PKM: variants seen among roughly 807,000 people sequenced by gnomAD.
PKM encodes pyruvate kinase M1/2.
In PKM, 18 loss-of-function variants were observed where a neutral mutation model predicts 49.8. The observed-to-expected ratio is 0.36, with a 90% CI of 0.25 to 0.54. The LOEUF (loss-of-function observed/expected upper bound fraction) is 0.54, where lower values mean the gene tolerates loss of function less well. Among genes scored for constraint, PKM ranks in the 20% least tolerant of loss-of-function variants. The pLI is 0.89. For missense variants in PKM, 508 were observed against 713.8 expected (o/e 0.71, Z 3.28); for synonymous variants, 239 against 261.8 (o/e 0.91, Z 0.84).
chr15:72,210,849 A>T (rs1286591574), intron 3 of PKM, among the ~76,000 whole-genome samples: 1 of 152,184 alleles, frequency 6.6e-6, no homozygotes, highest in Non-Finnish European at 1.5e-5. Context: ...CCCTCAGCAT[A>T]TAAAGCTCAT....
intron 8 of PKM, among the ~76,000 whole-genome samples, chr15:72,205,389 G>C (rs1188726576): frequency 6.6e-6 from 1 of 152,146 alleles, no homozygotes; most frequent in African/African-American, 2.4e-5. Context: ...AAAGTACTGA[G>C]ATTACAGGTG....
At chr15:72,214,696 G>A (rs571208192) in intron 3 of PKM, among the ~76,000 whole-genome samples, 1 of 152,310 alleles carries the variant, frequency 6.6e-6, no homozygotes, top group Non-Finnish European at 1.5e-5. Context: ...TTAGGAGGCT[G>A]AGGCAGAAGA....
intron 3 of PKM, among the ~76,000 whole-genome samples, chr15:72,215,879 C>T (rs970613847): frequency 1.3e-5 from 2 of 152,158 alleles, no homozygotes; most frequent in African/African-American, 4.8e-5. Flanking sequence ...ACAAGTAATT[C>T]TCGGTGACTC....
Position 72,218,994 on chromosome 15 carries a change from A to G in PKM, c.104T>C (p.Ile35Thr). The stretch of plus-strand genomic sequence containing the variant: ...CCGGGCTGTGATGGGTGGTGAATCA[A>G]TGTCCAGGCGGCACATGTGCTCCAG... ...TFLEHMCRLDIDSPPITARNT... is the reference protein window; with the variant it reads ...TFLEHMCRLDTDSPPITARNT... The change falls in exon 2 of 11, where the codon ATT becomes ACT. Residue 35 changes from isoleucine to threonine, a missense_variant. Transcript: ENST00000335181. The G allele has an allele frequency of 6.2e-7, 1 of 1,614,154 alleles. No homozygotes were observed. Among genetic ancestry groups the G allele is most frequent in the Non-Finnish European group, 8.5e-7 (1 of 1,180,026 alleles).
At chr15:72,205,976 C>T (rs920342717) in intron 8 of PKM, among the ~76,000 whole-genome samples, 2 of 152,162 alleles carry the variant, frequency 1.3e-5, no homozygotes, top group African/African-American at 4.8e-5. Context: ...GCCTGAAGAA[C>T]GAGCTCTCAG....
In PKM at chr15:72,199,208, G is replaced by A. The variant is rs1042921204; in HGVS notation, c.*442C>T. 1.7e-5 allele frequency: 6 copies of A among 358,450 alleles called. No homozygotes were observed. The highest frequency in any genetic ancestry group is 4.2e-5 in the South Asian group (2 of 47,178). The allele number at this position is 358,450 out of a possible 1,614,324, so 22.2% of individuals were successfully genotyped here. ...CTAGAGAGCTAGAGAAGCAAGTAAG[G>A]GCCAGGGCCAGAGTCGGCTTCAATG... On this transcript the variant is annotated 3_prime_UTR_variant, in exon 11 of 11. Coordinates refer to ENST00000335181, the MANE Select transcript of PKM (RefSeq NM_002654.6).
At chr15:72,203,984 AT>A (rs1353885358) in intron 8 of PKM, 2 of 152,248 alleles carry the variant, frequency 1.3e-5, no homozygotes, top group African/African-American at 4.8e-5. Context: ...GAGGATTATA[AT>A]GCAATCACCA....
At chr15:72,220,172 C>T (rs567301865) in intron 1 of PKM, among the ~76,000 whole-genome samples, 14 of 152,338 alleles carry the variant, frequency 9.2e-5, no homozygotes, top group South Asian at 6.2e-4. Flanking sequence ...GCTTGCTACA[C>T]GTCTCATCAG....
In PKM at chr15:72,202,957, C is replaced by G. The variant is rs1300967143; in HGVS notation, c.1141-337G>C. On this transcript the variant is annotated intron_variant, in intron 8 of 10. Transcript: ENST00000335181. The surrounding 1 kb of genome is among the most constrained non-coding windows in gnomAD (Gnocchi z 4.5). ...ATGCCAGGTTGGGCCTGGCTGTCTT[C>G]TCCTAGAGCAGGTGGAGCAAGAGGC... 1.3e-6 allele frequency: 2 copies of G among 1,531,124 alleles called. No individual in the cohort carries two copies. Among genetic ancestry groups the G allele is most frequent in the African/African-American group, 1.4e-5 (1 of 73,558 alleles). 94.8% of individuals were successfully genotyped at this position (1,531,124 alleles called of 1,614,324 possible). A position where few individuals can be genotyped will look rare whatever the true frequency, so the allele number is the denominator to read the frequency against.
chr15:72,213,256 G>A (rs560411320), intron 3 of PKM, among the ~76,000 whole-genome samples: 1 of 152,296 alleles, frequency 6.6e-6, no homozygotes, highest in East Asian at 1.9e-4. Flanking sequence ...CACACTAACT[G>A]TTAGTACCTG....
In PKM at chr15:72,227,744, C is replaced by CAAAAAAAAAAAAA. The variant is rs34876633; in HGVS notation, c.-14+3359_-14+3371dup. Among the ~76,000 whole-genome samples, 3 of 10,802 alleles carry CAAAAAAAAAAAAA rather than the reference C, an allele frequency of 2.8e-4. 1 individual carries two copies. Among genetic ancestry groups the CAAAAAAAAAAAAA allele is most frequent in the African/African-American group, 8.8e-4 (3 of 3,390 alleles). 7.1% of individuals were successfully genotyped at this position (10,802 alleles called of 152,430 possible). ...CTGGGCAACAAGAGCAAAACTATCT[C>CAAAAAAAAAAAAA]AAAAAAAAAAAAAAAAAAAAAAAAA... is the stretch of plus-strand genomic sequence containing the variant. On this transcript the variant is annotated intron_variant, in intron 1 of 10. Transcript: ENST00000335181.
In PKM at chr15:72,217,504, T is replaced by C; in HGVS notation, c.155-4A>G. ...TCCACTGATCGGGAAGCTGGGCCTA[T>C]TAGGAAAAGTTTTAAAGCCACAAGT... is the stretch of plus-strand genomic sequence containing the variant. On this transcript the variant is annotated splice_region_variant and splice_polypyrimidine_tract_variant and intron_variant, in intron 2 of 10. Coordinates refer to ENST00000335181, the MANE Select transcript of PKM (RefSeq NM_002654.6). 1.9e-6 allele frequency: 3 copies of C among 1,574,856 alleles called. No individual in the cohort carries two copies. Among genetic ancestry groups the C allele is most frequent in the South Asian group, 1.1e-5 (1 of 90,294 alleles).
intron 5 of PKM, chr15:72,209,427 A>ATATATATATATATG (rs1204961363): frequency 3.9e-5 from 1 of 25,414 alleles, no homozygotes; most frequent in African/African-American, 1.3e-4. Flanking sequence ...ATATATATAT[A>ATATATATATATATG]TATATATATA....
chr15:72,199,848 G>T, intron 10 of PKM, 92 bp from the exon 11 acceptor site: 2 of 804,398 alleles, frequency 2.5e-6, no homozygotes, highest in South Asian at 2.9e-5. Context: ...ACTGAACTAG[G>T]CTGGCTGACC....
At chr15:72,212,042 A>G (rs1010588677) in intron 3 of PKM, among the ~76,000 whole-genome samples, 1 of 152,056 alleles carries the variant, frequency 6.6e-6, no homozygotes, top group Middle Eastern at 3.2e-3. Context: ...GTTGCCTGAA[A>G]CCTGTGTCTA....
In PKM at chr15:72,203,033, C is replaced by T. The variant is rs142575867; in HGVS notation, c.1141-413G>A. 3.9e-5 allele frequency: 63 copies of T among 1,614,006 alleles called. No individual in the cohort carries two copies. The African/African-American group carries it at 6.1e-4, about 16-fold the overall frequency. On this transcript the variant is annotated intron_variant, in intron 8 of 10. Transcript: ENST00000335181. ...CCTTAGGGCCCTACCTGCCAGACTC[C>T]GTCAGAACTATCAAAGCTGCTGCTA...
At chr15:72,229,133 A>C (rs1334587059) in intron 1 of PKM, among the ~76,000 whole-genome samples, 1 of 152,230 alleles carries the variant, frequency 6.6e-6, no homozygotes, top group Non-Finnish European at 1.5e-5. Flanking sequence ...GATTAGCTGT[A>C]GGCGTTTGGG....
rs1239474153 is a variant in PKM at position 72,206,749 on chromosome 15, C to T, written c.1119G>A (p.Glu373=). Residue 373 remains glutamate (E), a synonymous_variant, in exon 8 of 11, where the codon GAG becomes GAA. Transcript: ENST00000335181. ...GETAKGDYPL[E]AVRMQHLIAR... ...TCACCAGGTGCTGCATGCGCACAGC[C>T]TCCAGAGGATAGTCCCCTTTGGCTG... 13 of 1,613,398 alleles carry T rather than the reference C, an allele frequency of 8.1e-6. No individual in the cohort carries two copies. Among genetic ancestry groups the T allele is most frequent in the Non-Finnish European group, 1.0e-5 (12 of 1,180,050 alleles).
In PKM at chr15:72,230,859, A is replaced by AG. The variant is rs770064651; in HGVS notation, c.-14+256dup. The AG allele has an allele frequency of 3.5e-5, 38 of 1,084,378 alleles. No homozygotes were observed. The South Asian group carries it at 5.1e-4, about 14-fold the overall frequency. 67.2% of individuals were successfully genotyped at this position (1,084,378 alleles called of 1,614,324 possible). On this transcript the variant is annotated intron_variant, in intron 1 of 10. Transcript: ENST00000335181. ...GGAGGAAGAGGATGGGACCAGAATG[A>AG]GGGGGTAGGGCTGGGGCGGGAAAGG...
Sources: gnomAD v4.1 joint callset for allele counts (sites outside exome capture counted in the v4.1 genomes callset) on GRCh38, gnomAD v4.1.1 for gene constraint, Gnocchi (gnomAD v3.1) non-coding constraint, MANE v1.5 for transcripts, NCBI Gene and HGNC (gene_info 2026-07-23, HGNC 2026-07-21) for gene names.